The following DKK2 variants were observed in gnomAD, a reference collection of about 807,000 sequenced individuals.
DKK2 encodes the protein dickkopf-related protein 2.
A neutral mutation model predicts 28.1 loss-of-function variants in DKK2; 11 were observed. The ratio of observed to expected loss-of-function variants is 0.39; its 90% CI spans 0.25 to 0.65. The LOEUF is 0.65. Among genes scored for constraint, DKK2 ranks in the 30% least tolerant of loss-of-function variants. The probability of loss-of-function intolerance (pLI) is 0.47; values close to 1 mark genes in which losing one functional copy is unlikely to be tolerated. For synonymous variants in DKK2, 135 were observed against 126.5 expected, an observed-to-expected ratio of 1.07 and a Z score of -0.45; for missense variants, 326 against 335.5, an observed-to-expected ratio of 0.97 and a Z score of 0.22.
chr4:107,030,040 G>T (rs993270193), intron 1 of DKK2, among the ~76,000 whole-genome samples: 1 of 151,814 alleles, frequency 6.6e-6, no homozygotes, highest in African/African-American at 2.4e-5. Context: ...CAGATTCAGG[G>T]GTTGTGGAAT....
intron 1 of DKK2, among the ~76,000 whole-genome samples, chr4:106,943,376 G>T (rs1012728788): frequency 6.6e-6 from 1 of 152,018 alleles, no homozygotes; most frequent in African/African-American, 2.4e-5. Flanking sequence ...ATGAATTAAT[G>T]CATGAAATTT....
intron 1 of DKK2, among the ~76,000 whole-genome samples, chr4:106,983,360 G>T (rs1318803586): frequency 7.2e-6 from 1 of 138,958 alleles, no homozygotes; most frequent in African/African-American, 2.6e-5. Context: ...AAGAAAGAAA[G>T]AAAGAAAGAA....
intron 1 of DKK2, among the ~76,000 whole-genome samples, chr4:106,948,047 T>A (rs1485015308): frequency 6.6e-6 from 1 of 152,174 alleles, no homozygotes; most frequent in African/African-American, 2.4e-5. Flanking sequence ...CCATCACTCC[T>A]AAATAAAACT....
At chr4:106,975,413 T>C (rs1026131950) in intron 1 of DKK2, among the ~76,000 whole-genome samples, 5 of 152,192 alleles carry the variant, frequency 3.3e-5, no homozygotes, top group Admixed American at 1.3e-4. Flanking sequence ...ACTGCCTCAA[T>C]TTCAGAACTT....
intron 1 of DKK2, among the ~76,000 whole-genome samples, chr4:106,980,546 C>G (rs956240376): frequency 6.6e-6 from 1 of 152,060 alleles, no homozygotes; most frequent in Admixed American, 6.6e-5. Context: ...AAAAGTATAA[C>G]AAGTAATAGT....
At position 106,922,017 on chromosome 4, in the gene DKK2, A is replaced by C. The variant is rs1724350389; in HGVS notation, c.*1937T>G. ...CATAAGAAAAATATTGCAGAAACCA[A>C]ATTGTAAATATAATAATTGTTATAT... On this transcript the variant is annotated 3_prime_UTR_variant, in exon 4 of 4. Transcript: ENST00000285311. 6.6e-6 allele frequency: 1 copy of C among 152,564 alleles called. No homozygotes were observed. The highest frequency in any genetic ancestry group is 1.9e-4 in the East Asian group (1 of 5,204). 9.5% of individuals were successfully genotyped at this position (152,564 alleles called of 1,614,324 possible). A position where few individuals can be genotyped will look rare whatever the true frequency, so the allele number is the denominator to read the frequency against.
chr4:106,976,738 A>G (rs909077779), intron 1 of DKK2, among the ~76,000 whole-genome samples: 3 of 152,186 alleles, frequency 2.0e-5, no homozygotes, highest in Non-Finnish European at 2.9e-5. Flanking sequence ...GCCCATTTAC[A>G]TTTAAGGTTA....
chr4:106,935,946 C>T (rs1331215812), intron 1 of DKK2, among the ~76,000 whole-genome samples: 1 of 152,112 alleles, frequency 6.6e-6, no homozygotes, highest in African/African-American at 2.4e-5. Context: ...AAAGGACATC[C>T]ACACCAAAAA....
intron 1 of DKK2, among the ~76,000 whole-genome samples, chr4:106,962,531 G>GAA (rs1722706874): frequency 7.7e-6 from 1 of 130,514 alleles, no homozygotes; most frequent in Admixed American, 7.2e-5. Context: ...GTGTGTGTGT[G>GAA]TGTGTGTGTG....
At chr4:106,991,181 T>C (rs537159048) in intron 1 of DKK2, among the ~76,000 whole-genome samples, 14 of 152,314 alleles carry the variant, frequency 9.2e-5, no homozygotes, top group African/African-American at 3.4e-4. Flanking sequence ...ATTGACAAAA[T>C]TGAAGTGCTG....
intron 1 of DKK2, among the ~76,000 whole-genome samples, chr4:107,026,514 G>A (rs2212967): frequency 2.0e-5 from 3 of 151,834 alleles, no homozygotes; most frequent in South Asian, 4.2e-4. Context: ...CTATCACAGA[G>A]AAAAAAATGG....
chr4:107,022,029 C>T lies in DKK2; in HGVS notation c.222+13341G>A, dbSNP rs377048992. Reference sequence around the variant, plus strand: ...TTATTTTATTCATTTGCTTCACTTCCAGCAAAAAGCAGAATGTTTCCATCC... The same window carrying T: ...TTATTTTATTCATTTGCTTCACTTCTAGCAAAAAGCAGAATGTTTCCATCC... On this transcript the variant is annotated intron_variant, in intron 1 of 3. Transcript: ENST00000285311. Among the ~76,000 whole-genome samples the T allele has an allele frequency of 5.9e-5, 9 of 152,070 alleles. 1 individual carries two copies. The highest frequency in any genetic ancestry group is 5.9e-4 in the Admixed American group (9 of 15,258).
chr4:107,004,537 T>C (rs1179914161), intron 1 of DKK2, among the ~76,000 whole-genome samples: 2 of 152,280 alleles, frequency 1.3e-5, no homozygotes, highest in East Asian at 3.9e-4. Flanking sequence ...AATCTCAAAA[T>C]TTGCCTCACT....
chr4:106,927,824 A>T (rs1395674905), intron 1 of DKK2, among the ~76,000 whole-genome samples: 1 of 152,208 alleles, frequency 6.6e-6, no homozygotes, highest in African/African-American at 2.4e-5. Flanking sequence ...GTTTTGCAAC[A>T]AACATTTGAA....
chr4:106,926,588 C>T (rs1724429113), intron 1 of DKK2, among the ~76,000 whole-genome samples: 1 of 152,078 alleles, frequency 6.6e-6, no homozygotes, highest in Non-Finnish European at 1.5e-5. Flanking sequence ...TCCCAGCAGC[C>T]AGAGAGATGC....
At chr4:106,929,106 T>C (rs1724464965) in intron 1 of DKK2, among the ~76,000 whole-genome samples, 1 of 152,216 alleles carries the variant, frequency 6.6e-6, no homozygotes, top group Non-Finnish European at 1.5e-5. Context: ...TAGTCTCATT[T>C]GATGATGGCT....
intron 1 of DKK2, 121 bp downstream of exon 1, chr4:107,035,249 G>T (rs769288453): frequency 2.6e-5 from 31 of 1,196,572 alleles, no homozygotes; most frequent in Non-Finnish European, 3.4e-5. Context: ...CTCCCCAGCC[G>T]CCTGTTCTCT....
intron 1 of DKK2, among the ~76,000 whole-genome samples, chr4:107,004,707 T>A (rs1227799073): frequency 6.6e-6 from 1 of 152,210 alleles, no homozygotes; most frequent in African/African-American, 2.4e-5. Flanking sequence ...AACTTTCAGA[T>A]GTAATTAAGA....
At chr4:107,013,369 G>A (rs1723541819) in intron 1 of DKK2, among the ~76,000 whole-genome samples, 1 of 151,068 alleles carries the variant, frequency 6.6e-6, no homozygotes. Context: ...ACAAAATAGA[G>A]AACCCAGAAA....
Sources: allele counts gnomAD v4.1 joint callset (sites outside exome capture counted in the v4.1 genomes callset), GRCh38; gene constraint gnomAD v4.1.1; transcripts MANE v1.5; gene names NCBI Gene and HGNC (gene_info 2026-07-23, HGNC 2026-07-21).